Variants in INSR observed in about 807,000 individuals in gnomAD.
INSR encodes insulin receptor.
In INSR, 67 loss-of-function variants were observed where a neutral mutation model predicts 142.6. That is an observed-to-expected ratio of 0.47 (90% confidence interval 0.39 to 0.58). The LOEUF (loss-of-function observed/expected upper bound fraction) is 0.58. INSR is among the 20% of genes least tolerant of loss of function. The pLI is 0.00. For missense variants in INSR, 1,248 were observed against 1,833.2 expected (o/e 0.68, Z 5.83); for synonymous variants, 756 against 743.1 (o/e 1.02, Z -0.28).
chr19:7,232,076 C>T (rs374845629), intron 2 of INSR, among the ~76,000 whole-genome samples: 20 of 152,156 alleles, frequency 1.3e-4, no homozygotes, highest in African/African-American at 4.8e-4. Flanking sequence ...ACCTCATTCC[C>T]GGGGGTACTG....
At position 7,154,687 on chromosome 19, in the gene INSR, G is replaced by T. The variant is rs181282624; in HGVS notation, c.2030-1760C>A. Among the ~76,000 whole-genome samples, 8 of 151,634 alleles carry T rather than the reference G, an allele frequency of 5.3e-5. No homozygotes were observed. The East Asian group carries it at 1.6e-3, about 30-fold the overall frequency. On this transcript the variant is annotated intron_variant, in intron 9 of 21. Coordinates refer to ENST00000302850, the MANE Select transcript of INSR (RefSeq NM_000208.4). Reference sequence around the variant, plus strand: ...TCCTGTAATCCCAGCACTTTGGGAGGCCGAGGCGGGCAGATCACCTGAGGT... The same window carrying T: ...TCCTGTAATCCCAGCACTTTGGGAGTCCGAGGCGGGCAGATCACCTGAGGT...
chr19:7,222,901 G>C (rs1004241597), intron 2 of INSR, among the ~76,000 whole-genome samples: 5 of 152,278 alleles, frequency 3.3e-5, no homozygotes, highest in Middle Eastern at 3.4e-3. Flanking sequence ...GGCTAAAACT[G>C]TCTGGGCACT....
chr19:7,113,064 C>T lies in INSR; in HGVS notation c.*3992G>A, dbSNP rs894871318. 6.6e-6 allele frequency: 1 copy of T among 152,186 alleles called. No individual in the cohort carries two copies. The highest frequency in any genetic ancestry group is 2.4e-5 in the African/African-American group (1 of 41,428). The allele number at this position is 152,186 out of a possible 1,614,324, so 9.4% of individuals were successfully genotyped here. A position where few individuals can be genotyped will look rare whatever the true frequency, so the allele number is the denominator to read the frequency against. On this transcript the variant is annotated 3_prime_UTR_variant, in exon 22 of 22. Coordinates refer to ENST00000302850, the MANE Select transcript of INSR (RefSeq NM_000208.4). The stretch of plus-strand genomic sequence containing the variant: ...AAGGTGTCAAGGACTCACCAGGTGA[C>T]ATTCAAAGGACATTTAACCCTAAAC...
intron 2 of INSR, among the ~76,000 whole-genome samples, chr19:7,242,962 G>A (rs576283771): frequency 1.3e-4 from 20 of 151,886 alleles, no homozygotes; most frequent in South Asian, 1.0e-3. Flanking sequence ...TTTGGGAAGC[G>A]GGACAGATTC....
intron 2 of INSR, among the ~76,000 whole-genome samples, chr19:7,258,353 G>GCCAGAATCCCCAGCTTCAAATCCCA (rs1358166081): frequency 1.3e-5 from 2 of 150,664 alleles, no homozygotes; most frequent in South Asian, 2.1e-4. Context: ...TGAGGTGGCA[G>GCCAGAATCCCCAGCTTCAAATCCCA]TGGCCTATGA....
At chr19:7,277,020 C>T (rs1036220373) in intron 1 of INSR, among the ~76,000 whole-genome samples, 2 of 152,052 alleles carry the variant, frequency 1.3e-5, no homozygotes, top group South Asian at 2.1e-4. Flanking sequence ...TGTGAGCCAC[C>T]GTGCCTGGCC....
chr19:7,152,338 A>G, intron 10 of INSR: 1 of 306,834 alleles, frequency 3.3e-6, no homozygotes, highest in East Asian at 9.5e-5. Flanking sequence ...CTGAAATCGC[A>G]CCACCGCACT....
At chr19:7,269,772 A>G (rs1369116846) in intron 1 of INSR, among the ~76,000 whole-genome samples, 1 of 152,180 alleles carries the variant, frequency 6.6e-6, no homozygotes, top group Non-Finnish European at 1.5e-5. Context: ...CCATCACTCA[A>G]GGACACACAA....
chr19:7,213,354 A>G (rs1274535818), intron 2 of INSR, among the ~76,000 whole-genome samples: 2 of 148,690 alleles, frequency 1.3e-5, no homozygotes, highest in Non-Finnish European at 1.5e-5. Flanking sequence ...AAAAAAAAAA[A>G]AAAAACAAAC....
chr19:7,256,471 T>G (rs938893724), intron 2 of INSR, among the ~76,000 whole-genome samples: 1 of 148,384 alleles, frequency 6.7e-6, no homozygotes, highest in Non-Finnish European at 1.5e-5. Flanking sequence ...AATAAATAAT[T>G]CCAATCCTGG....
At chr19:7,196,546 C>G (rs1168230244) in intron 2 of INSR, among the ~76,000 whole-genome samples, 1 of 152,106 alleles carries the variant, frequency 6.6e-6, no homozygotes, top group African/African-American at 2.4e-5. Context: ...CACAAAAATC[C>G]AGTCACTCTG....
intron 2 of INSR, among the ~76,000 whole-genome samples, chr19:7,243,093 A>G (rs1188736098): frequency 1.3e-5 from 2 of 152,090 alleles, no homozygotes; most frequent in African/African-American, 4.8e-5. Flanking sequence ...AGACTAAAAA[A>G]ACATTATTAG....
At chr19:7,213,217 G>A (rs570036762) in intron 2 of INSR, among the ~76,000 whole-genome samples, 6 of 151,936 alleles carry the variant, frequency 3.9e-5, no homozygotes, top group Admixed American at 2.0e-4. Context: ...GGTGGAGCAC[G>A]TCTGTAGTCC....
chr19:7,217,857 CCTT>C (rs1975485361), intron 2 of INSR, among the ~76,000 whole-genome samples: 1 of 152,244 alleles, frequency 6.6e-6, no homozygotes, highest in African/African-American at 2.4e-5. Flanking sequence ...CCGCACCCGG[CCTT>C]CTTTTTTTTC....
At position 7,205,579 on chromosome 19, in the gene INSR, G is replaced by A. The variant is rs1263988759; in HGVS notation, c.653-20942C>T. On this transcript the variant is annotated intron_variant, in intron 2 of 21. Transcript: ENST00000302850. ...GAGAAATTCTACATTGTCCAAATCTGCTCTCTTGGCTTCCTGCAGTGGCTC... is the reference window on the plus strand; with the variant it reads ...GAGAAATTCTACATTGTCCAAATCTACTCTCTTGGCTTCCTGCAGTGGCTC... 3.9e-5 allele frequency among the ~76,000 whole-genome samples: 6 copies of A among 152,196 alleles called. No individual in the cohort carries two copies. The South Asian group carries it at 1.2e-3, about 32-fold the overall frequency.
At chr19:7,251,401 C>T (rs980487049) in intron 2 of INSR, among the ~76,000 whole-genome samples, 39 of 152,020 alleles carry the variant, frequency 2.6e-4, no homozygotes, top group African/African-American at 9.2e-4. Flanking sequence ...GGACTACAGG[C>T]ATGCACCACC....
At chr19:7,144,012 G>A (rs1973132788) in intron 11 of INSR, among the ~76,000 whole-genome samples, 1 of 150,584 alleles carries the variant, frequency 6.6e-6, no homozygotes, top group South Asian at 2.1e-4. Context: ...CTGAGATCGT[G>A]TCACTGCACT....
intron 2 of INSR, among the ~76,000 whole-genome samples, chr19:7,256,409 A>C (rs1976894202): frequency 6.6e-6 from 1 of 152,168 alleles, no homozygotes; most frequent in Non-Finnish European, 1.5e-5. Flanking sequence ...AGATTGCGCC[A>C]CTGCACTTCA....
At chr19:7,135,572 T>C (rs1391034419) in intron 13 of INSR, among the ~76,000 whole-genome samples, 3 of 145,396 alleles carry the variant, frequency 2.1e-5, no homozygotes, top group Non-Finnish European at 4.4e-5. Context: ...TGACACACCA[T>C]GACTCTGTCT....
Sources: gnomAD v4.1 joint callset for allele counts (sites outside exome capture counted in the v4.1 genomes callset) on GRCh38, gnomAD v4.1.1 for gene constraint, MANE v1.5 for transcripts, NCBI Gene and HGNC (gene_info 2026-07-23, HGNC 2026-07-21) for gene names.